The following PDE4D variants were observed in gnomAD, a reference collection of about 807,000 sequenced individuals.
PDE4D encodes the protein phosphodiesterase 4D, also known as 3',5'-cyclic-AMP phosphodiesterase 4D.
Under a neutral mutation model 87.4 loss-of-function variants are expected in PDE4D, and 24 were observed. The ratio of observed to expected loss-of-function variants is 0.27; its 90% CI spans 0.20 to 0.39. PDE4D has a LOEUF of 0.39. Among genes scored for constraint, PDE4D ranks in the 10% least tolerant of loss-of-function variants. The probability of loss-of-function intolerance (pLI) is 1.00; values close to 1 mark genes in which losing one functional copy is unlikely to be tolerated. For synonymous variants in PDE4D, 384 were observed against 383.2 expected (o/e 1.00, Z -0.02); for missense variants, 714 against 1,041.0 (o/e 0.69, Z 4.32).
At chr5:59,938,535 A>C (rs183343840) in intron 3 of PDE4D, among the ~76,000 whole-genome samples, 3 of 152,176 alleles carry the variant, frequency 2.0e-5, no homozygotes, top group African/African-American at 7.2e-5. Flanking sequence ...ATATTTCTAC[A>C]TTATAGGCCA....
At chr5:59,656,099 CACAG>C (rs1236069643) in intron 1 of PDE4D, among the ~76,000 whole-genome samples, 1 of 152,024 alleles carries the variant, frequency 6.6e-6, no homozygotes, top group Non-Finnish European at 1.5e-5. Context: ...TTCTATATAC[CACAG>C]ACACAGATGT....
intron 2 of PDE4D, among the ~76,000 whole-genome samples, chr5:59,214,077 C>CACACAA (rs914634790): frequency 2.9e-5 from 4 of 140,124 alleles, no homozygotes; most frequent in African/African-American, 1.1e-4. Flanking sequence ...CACACACACA[C>CACACAA]AACCATTCTA....
At chr5:60,442,895 G>C (rs1009351656) in intron 1 of PDE4D, among the ~76,000 whole-genome samples, 1 of 152,250 alleles carries the variant, frequency 6.6e-6, no homozygotes, top group Admixed American at 6.5e-5. Flanking sequence ...TTGTGGGGCA[G>C]ATGGTAGAGC....
chr5:60,011,949 A>G lies in PDE4D; in HGVS notation c.43-23232T>C, dbSNP rs538828433. On this transcript the variant is annotated intron_variant, in intron 2 of 16. Transcript: ENST00000502484. ...TAGACATTAAAAATCCATTCTAAAT[A>G]TGTAGATGCTATAGATCTTCAGGCT... Among the ~76,000 whole-genome samples, 7 of 152,308 alleles carry G rather than the reference A, an allele frequency of 4.6e-5. No homozygotes were observed. The South Asian group carries it at 1.5e-3, about 32-fold the overall frequency.
intron 2 of PDE4D, among the ~76,000 whole-genome samples, chr5:59,991,750 C>T (rs550675481): frequency 6.0e-4 from 92 of 152,268 alleles, no homozygotes; most frequent in African/African-American, 2.2e-3. Flanking sequence ...AAGTGAGCCT[C>T]TGTGTACTTA....
intron 2 of PDE4D, among the ~76,000 whole-genome samples, chr5:60,103,086 C>T (rs1314529814): frequency 6.6e-6 from 1 of 152,072 alleles, no homozygotes; most frequent in Non-Finnish European, 1.5e-5. Flanking sequence ...CACTATGAGT[C>T]CTATTAATTC....
At chr5:59,924,603 T>C (rs1755041592) in intron 3 of PDE4D, among the ~76,000 whole-genome samples, 1 of 148,538 alleles carries the variant, frequency 6.7e-6, no homozygotes. Context: ...TATTCTAGAA[T>C]AGTATATCCA....
At chr5:59,310,336 C>T (rs997371821) in intron 1 of PDE4D, among the ~76,000 whole-genome samples, 3 of 152,184 alleles carry the variant, frequency 2.0e-5, no homozygotes, top group Non-Finnish European at 2.9e-5. Flanking sequence ...TTCTATTCTG[C>T]ATATCATGCA....
intron 2 of PDE4D, among the ~76,000 whole-genome samples, chr5:60,146,502 C>A (rs138450241): frequency 6.6e-6 from 1 of 152,150 alleles, no homozygotes. Flanking sequence ...TCCTCATTGA[C>A]CCTTTTCCTC....
chr5:59,985,232 G>A (rs757911634), intron 3 of PDE4D, among the ~76,000 whole-genome samples: 2 of 148,900 alleles, frequency 1.3e-5, no homozygotes, highest in Admixed American at 6.9e-5. Flanking sequence ...TCTGCCTCCC[G>A]GGTTCACGCC....
chr5:59,027,271 A>C (rs1280584019), intron 6 of PDE4D, among the ~76,000 whole-genome samples: 1 of 152,206 alleles, frequency 6.6e-6, no homozygotes, highest in Non-Finnish European at 1.5e-5. Flanking sequence ...TCATCAGATC[A>C]TATCGAGGGT....
intron 3 of PDE4D, among the ~76,000 whole-genome samples, chr5:59,959,245 C>T (rs1200587491): frequency 1.3e-5 from 2 of 152,056 alleles, no homozygotes; most frequent in Admixed American, 1.3e-4. Flanking sequence ...ACATTTCATG[C>T]TCATAGCTTT....
At chr5:59,552,375 C>T (rs952704965) in intron 1 of PDE4D, among the ~76,000 whole-genome samples, 1 of 152,048 alleles carries the variant, frequency 6.6e-6, no homozygotes, top group Non-Finnish European at 1.5e-5. Flanking sequence ...TTTGGCTCTT[C>T]CAGGTAAATA....
At chr5:60,031,299 C>T (rs1159707901) in intron 2 of PDE4D, among the ~76,000 whole-genome samples, 1 of 152,128 alleles carries the variant, frequency 6.6e-6, no homozygotes, top group East Asian at 1.9e-4. Flanking sequence ...TTTTAAAGGC[C>T]TTTCACTGGC....
chr5:59,610,597 G>A (rs1828863255), intron 1 of PDE4D, among the ~76,000 whole-genome samples: 1 of 152,060 alleles, frequency 6.6e-6, no homozygotes, highest in South Asian at 2.1e-4. Context: ...AAGCTTAGTG[G>A]CTTACAATTC....
chr5:59,046,481 G>T (rs1043497016), intron 5 of PDE4D, among the ~76,000 whole-genome samples: 1 of 150,884 alleles, frequency 6.6e-6, no homozygotes, highest in African/African-American at 2.4e-5. Context: ...TTGGTCTAAA[G>T]GGTAACTCCA....
At chr5:60,107,933 G>C (rs566597986) in intron 2 of PDE4D, among the ~76,000 whole-genome samples, 12 of 152,118 alleles carry the variant, frequency 7.9e-5, no homozygotes, top group African/African-American at 2.4e-4. Context: ...GAATCATTCC[G>C]TTTGAAAACT....
rs112152110 is a variant in PDE4D at position 59,420,683 on chromosome 5, G to T, written c.456-204715C>A. 7.3e-3 allele frequency among the ~76,000 whole-genome samples: 813 copies of T among 111,596 alleles called. 6 individuals are homozygous for T. Among genetic ancestry groups the T allele is most frequent in the African/African-American group, 0.024 (775 of 31,768 alleles). The allele number at this position is 111,596 out of a possible 152,430, so 73.2% of individuals were successfully genotyped here. A position where few individuals can be genotyped will look rare whatever the true frequency, so the allele number is the denominator to read the frequency against. On this transcript the variant is annotated intron_variant, in intron 1 of 14. Transcript: ENST00000340635. ...TTGATGTCATAGCCACTGGATTACT[G>T]CACAAGAAAAAAAAAAAAAAAAACA...
chr5:59,468,078 T>C (rs1017398794), intron 1 of PDE4D, among the ~76,000 whole-genome samples: 1 of 152,176 alleles, frequency 6.6e-6, no homozygotes, highest in African/African-American at 2.4e-5. Context: ...TGCATTTAAG[T>C]GAATAATTTC....
Sources: gnomAD v4.1 joint callset for allele counts (sites outside exome capture counted in the v4.1 genomes callset) on GRCh38, gnomAD v4.1.1 for gene constraint, MANE v1.5 for transcripts, NCBI Gene and HGNC (gene_info 2026-07-23, HGNC 2026-07-21) for gene names.